KAZN: variants seen among roughly 807,000 people sequenced by gnomAD.
KAZN encodes kazrin, periplakin interacting protein, also known as kazrin.
In KAZN, 40 loss-of-function variants were observed where a neutral mutation model predicts 87.4. That is an observed-to-expected ratio of 0.46 (90% CI 0.36 to 0.60). The LOEUF is 0.60. Ranked by LOEUF, KAZN falls within the 20% of genes least tolerant of loss-of-function variation. The pLI is 0.00. For missense variants in KAZN, 898 were observed against 1,073.9 expected (o/e 0.84, Z 2.29); for synonymous variants, 466 against 458.3 (o/e 1.02, Z -0.22).
intron 1 of KAZN, among the ~76,000 whole-genome samples, chr1:14,854,786 T>C (rs1649876492): frequency 6.6e-6 from 1 of 151,902 alleles, no homozygotes; most frequent in South Asian, 2.1e-4. Flanking sequence ...ACAAACCACA[T>C]CCAAACCATA....
At chr1:14,318,997 G>T (rs1655849851) in intron 2 of KAZN, among the ~76,000 whole-genome samples, 1 of 148,864 alleles carries the variant, frequency 6.7e-6, no homozygotes, top group East Asian at 2.0e-4. Flanking sequence ...GCCTGTTTCT[G>T]TTGACCTTTT....
At chr1:14,994,982 G>A (rs1333981033) in intron 2 of KAZN, among the ~76,000 whole-genome samples, 1 of 152,238 alleles carries the variant, frequency 6.6e-6, no homozygotes, top group Non-Finnish European at 1.5e-5. Flanking sequence ...CACCACTGAT[G>A]TAGTGCTTAG....
chr1:14,307,831 T>C (rs745689437), intron 2 of KAZN, among the ~76,000 whole-genome samples: 29 of 152,196 alleles, frequency 1.9e-4, no homozygotes, highest in Non-Finnish European at 3.4e-4. Context: ...AAATCATTTA[T>C]TAACTACAAA....
chr1:13,972,390 A>T (rs79014329), intron 1 of KAZN, among the ~76,000 whole-genome samples: 1 of 151,950 alleles, frequency 6.6e-6, no homozygotes, highest in Admixed American at 6.6e-5. Context: ...CTTTTTAAAA[A>T]TAAACAGAGA....
intron 1 of KAZN, among the ~76,000 whole-genome samples, chr1:14,138,490 C>A (rs537650502): frequency 6.6e-6 from 1 of 152,252 alleles, no homozygotes; most frequent in African/African-American, 2.4e-5. Flanking sequence ...ACGCCTGCAC[C>A]AGAACCAGTC....
chr1:14,512,709 G>A (rs1451421614), intron 2 of KAZN, among the ~76,000 whole-genome samples: 1 of 152,198 alleles, frequency 6.6e-6, no homozygotes, highest in African/African-American at 2.4e-5. Context: ...GACACCCACT[G>A]GCACATTCTA....
chr1:14,917,547 C>G (rs1657943019), intron 1 of KAZN, among the ~76,000 whole-genome samples: 1 of 152,188 alleles, frequency 6.6e-6, no homozygotes, highest in South Asian at 2.1e-4. Context: ...TATGCCAGGC[C>G]CCATGCAGAG....
chr1:14,734,864 C>T (rs2100387999), intron 1 of KAZN, among the ~76,000 whole-genome samples: 1 of 152,348 alleles, frequency 6.6e-6, no homozygotes, highest in African/African-American at 2.4e-5. Flanking sequence ...AAGCATCTCA[C>T]TGTCTGAGGT....
intron 2 of KAZN, among the ~76,000 whole-genome samples, chr1:14,353,156 G>T (rs1205825402): frequency 6.6e-6 from 1 of 151,900 alleles, no homozygotes; most frequent in Non-Finnish European, 1.5e-5. Context: ...GTGCAAAAAG[G>T]CAGGAAAATA....
intron 1 of KAZN, among the ~76,000 whole-genome samples, chr1:14,171,389 C>T (rs1458571334): frequency 6.6e-6 from 1 of 152,174 alleles, no homozygotes; most frequent in Non-Finnish European, 1.5e-5. Flanking sequence ...GTGGATGGAC[C>T]ATTTTACATT....
At chr1:14,740,331 GGTGGAGGGA>G (rs1350154948) in intron 1 of KAZN, among the ~76,000 whole-genome samples, 1 of 152,174 alleles carries the variant, frequency 6.6e-6, no homozygotes, top group South Asian at 2.1e-4. Flanking sequence ...GAGAAAACTT[GGTGGAGGGA>G]GTGGAATTTG....
intron 1 of KAZN, among the ~76,000 whole-genome samples, chr1:13,997,339 C>G (rs1350097464): frequency 1.3e-5 from 2 of 152,052 alleles, no homozygotes; most frequent in Non-Finnish European, 2.9e-5. Flanking sequence ...TGCAACATCT[C>G]TCCAGCAAGG....
chr1:15,089,907 A>G (rs1024579880), intron 8 of KAZN, among the ~76,000 whole-genome samples: 1 of 152,164 alleles, frequency 6.6e-6, no homozygotes, highest in African/African-American at 2.4e-5. Context: ...GCAGTCCTGA[A>G]GAAGGAATTT....
chr1:13,971,555 T>A (rs1055499294), intron 1 of KAZN, among the ~76,000 whole-genome samples: 1 of 152,158 alleles, frequency 6.6e-6, no homozygotes, highest in Admixed American at 6.5e-5. Flanking sequence ...AGTGTGCTTC[T>A]CCAGTTTAAG....
At chr1:14,925,737 C>G (rs548718950) in intron 1 of KAZN, among the ~76,000 whole-genome samples, 2 of 152,270 alleles carry the variant, frequency 1.3e-5, no homozygotes, top group African/African-American at 2.4e-5. Context: ...CCACAAGGCC[C>G]CCTATTCTTG....
At chr1:13,997,993 G>A (rs529576620) in intron 1 of KAZN, among the ~76,000 whole-genome samples, 10 of 152,258 alleles carry the variant, frequency 6.6e-5, no homozygotes, top group African/African-American at 1.7e-4. Flanking sequence ...CCAGGTCACC[G>A]ACAAAGGGAA....
chr1:14,853,148 C>T (rs1191640285), intron 1 of KAZN, among the ~76,000 whole-genome samples: 1 of 152,112 alleles, frequency 6.6e-6, no homozygotes, highest in Non-Finnish European at 1.5e-5. Context: ...ATGCCTAGGC[C>T]CTGAGGATTC....
At chr1:14,752,178 T>C (rs1476697337) in intron 1 of KAZN, among the ~76,000 whole-genome samples, 1 of 152,174 alleles carries the variant, frequency 6.6e-6, no homozygotes, top group East Asian at 1.9e-4. Flanking sequence ...TCATGAAGAA[T>C]CTGCCCCTAT....
intron 1 of KAZN, among the ~76,000 whole-genome samples, chr1:14,024,461 G>C (rs1447003996): frequency 1.3e-5 from 2 of 152,182 alleles, no homozygotes; most frequent in African/African-American, 4.8e-5. Flanking sequence ...TCAGGCTACT[G>C]TTTCTTTTAA....
Sources: allele counts gnomAD v4.1 joint callset (sites outside exome capture counted in the v4.1 genomes callset), GRCh38; gene constraint gnomAD v4.1.1; transcripts MANE v1.5; gene names NCBI Gene and HGNC (gene_info 2026-07-23, HGNC 2026-07-21).